KCNIP4: variants seen among roughly 807,000 people sequenced by gnomAD.
KCNIP4 encodes potassium voltage-gated channel interacting protein 4, also known as Kv channel-interacting protein 4.
In KCNIP4, 12 loss-of-function variants were observed where a neutral mutation model predicts 34.0. That is an observed-to-expected ratio of 0.35 (90% CI 0.23 to 0.57). KCNIP4 has a LOEUF of 0.57. Among genes scored for constraint, KCNIP4 ranks in the 20% least tolerant of loss-of-function variants. The probability of loss-of-function intolerance (pLI) is 0.83; values close to 1 mark genes in which losing one functional copy is unlikely to be tolerated. For missense variants in KCNIP4, 238 were observed against 311.7 expected (o/e 0.76, Z 1.78); for synonymous variants, 124 against 102.2 (o/e 1.21, Z -1.29).
At chr4:21,799,559 T>G (rs1720861908) in intron 1 of KCNIP4, among the ~76,000 whole-genome samples, 2 of 152,160 alleles carry the variant, frequency 1.3e-5, no homozygotes, top group Admixed American at 6.5e-5. Flanking sequence ...TTAATATATA[T>G]TCACTTTCAA....
chr4:21,671,467 T>C (rs1229811847), intron 1 of KCNIP4, among the ~76,000 whole-genome samples: 2 of 152,226 alleles, frequency 1.3e-5, no homozygotes, highest in Non-Finnish European at 2.9e-5. Flanking sequence ...GGAGGCCTAG[T>C]ACATTTGGAG....
chr4:21,673,933 A>G (rs942290871), intron 1 of KCNIP4, among the ~76,000 whole-genome samples: 5 of 152,226 alleles, frequency 3.3e-5, no homozygotes, highest in Non-Finnish European at 5.9e-5. Flanking sequence ...ACATGTTTCT[A>G]TATGTGATTT....
chr4:21,507,203 T>A (rs1733918375), intron 1 of KCNIP4, among the ~76,000 whole-genome samples: 1 of 151,986 alleles, frequency 6.6e-6, no homozygotes, highest in Non-Finnish European at 1.5e-5. Context: ...CTAGCCACAT[T>A]TTAGGCACTC....
intron 1 of KCNIP4, among the ~76,000 whole-genome samples, chr4:21,081,830 A>G (rs1746030437): frequency 6.6e-6 from 1 of 151,816 alleles, no homozygotes; most frequent in Non-Finnish European, 1.5e-5. Context: ...AAATTTTTAT[A>G]TACACACAGA....
chr4:21,311,404 G>A (rs756889508), intron 1 of KCNIP4, among the ~76,000 whole-genome samples: 2 of 152,114 alleles, frequency 1.3e-5, no homozygotes, highest in Non-Finnish European at 2.9e-5. Context: ...TTTTTAAATT[G>A]TTCTTCTTAA....
At chr4:21,519,681 TGTGTATATACACAC>T in intron 1 of KCNIP4, among the ~76,000 whole-genome samples, 1 of 144,922 alleles carries the variant, frequency 6.9e-6, no homozygotes, top group South Asian at 2.2e-4. Flanking sequence ...TGTGTATGTA[TGTGTATATACACAC>T]GTGTGTGTAT....
chr4:20,825,604 T>G lies in KCNIP4; in HGVS notation c.288+24939A>C, dbSNP rs146704036. On this transcript the variant is annotated intron_variant, in intron 3 of 8. Transcript: ENST00000382152. Reference sequence around the variant, plus strand: ...CGTTTAGTTTTGGACATACTGAATTTCAAAGGTCTATGCCAGAGCTAGGCA... The same window carrying G: ...CGTTTAGTTTTGGACATACTGAATTGCAAAGGTCTATGCCAGAGCTAGGCA... Among the ~76,000 whole-genome samples the G allele has an allele frequency of 2.0e-5, 3 of 152,228 alleles. No individual in the cohort carries two copies. In the East Asian group the frequency reaches 5.8e-4, roughly 30 times the overall value.
At chr4:21,115,820 A>G (rs774942487) in intron 1 of KCNIP4, among the ~76,000 whole-genome samples, 7 of 152,236 alleles carry the variant, frequency 4.6e-5, no homozygotes, top group Non-Finnish European at 8.8e-5. Flanking sequence ...AATGAAAACA[A>G]GATATATTAA....
intron 1 of KCNIP4, among the ~76,000 whole-genome samples, chr4:21,101,153 C>T (rs933865781): frequency 6.6e-5 from 10 of 152,058 alleles, no homozygotes; most frequent in African/African-American, 2.2e-4. Flanking sequence ...TGTATTATTG[C>T]GCTGTATATG....
At chr4:20,928,897 T>C (rs1472305873) in intron 1 of KCNIP4, among the ~76,000 whole-genome samples, 2 of 151,584 alleles carry the variant, frequency 1.3e-5, no homozygotes, top group African/African-American at 4.8e-5. Flanking sequence ...GAAATATGAA[T>C]TCAAAACTTT....
chr4:20,823,567 G>A (rs1032752944), intron 3 of KCNIP4, among the ~76,000 whole-genome samples: 1 of 152,068 alleles, frequency 6.6e-6, no homozygotes, highest in South Asian at 2.1e-4. Context: ...ACACAAGAAA[G>A]CTTGCTTTCT....
intron 1 of KCNIP4, among the ~76,000 whole-genome samples, chr4:21,093,094 G>T (rs4426774): frequency 2.6e-5 from 4 of 152,038 alleles, no homozygotes. Flanking sequence ...CAAATCACTT[G>T]CTTCCCACCA....
chr4:21,232,398 T>C (rs116237547), intron 1 of KCNIP4, among the ~76,000 whole-genome samples: 2 of 152,078 alleles, frequency 1.3e-5, no homozygotes, highest in African/African-American at 2.4e-5. Context: ...ACTATACAGA[T>C]AAAAAGAAGG....
chr4:21,228,686 A>G (rs1758576264), intron 1 of KCNIP4, among the ~76,000 whole-genome samples: 1 of 151,898 alleles, frequency 6.6e-6, no homozygotes, highest in Non-Finnish European at 1.5e-5. Context: ...GCCAACAACT[A>G]CCTCCATCTT....
intron 1 of KCNIP4, among the ~76,000 whole-genome samples, chr4:21,189,889 A>T (rs2109344302): frequency 6.6e-6 from 1 of 152,358 alleles, no homozygotes; most frequent in East Asian, 1.9e-4. Context: ...TCTAATGAGG[A>T]TTCAAAACAT....
chr4:21,494,954 C>A (rs1241001548), intron 1 of KCNIP4, among the ~76,000 whole-genome samples: 1 of 151,998 alleles, frequency 6.6e-6, no homozygotes, highest in Non-Finnish European at 1.5e-5. Context: ...ACATAATATA[C>A]TTCCTGGAAG....
At chr4:21,730,386 G>T (rs1409451540) in intron 1 of KCNIP4, among the ~76,000 whole-genome samples, 4 of 152,064 alleles carry the variant, frequency 2.6e-5, no homozygotes, top group Non-Finnish European at 4.4e-5. Context: ...TCCGTGTTGT[G>T]TTTCACTCTA....
intron 1 of KCNIP4, among the ~76,000 whole-genome samples, chr4:21,036,945 T>C (rs1313226555): frequency 6.6e-6 from 1 of 152,178 alleles, no homozygotes; most frequent in Non-Finnish European, 1.5e-5. Context: ...GATCTGATGA[T>C]CTTGGCCCTG....
chr4:21,259,150 A>G (rs572304833), intron 1 of KCNIP4, among the ~76,000 whole-genome samples: 7 of 152,298 alleles, frequency 4.6e-5, no homozygotes, highest in African/African-American at 7.2e-5. Context: ...TCCAAAACCC[A>G]TGGCATTCAC....
Sources: gnomAD v4.1 joint callset for allele counts (sites outside exome capture counted in the v4.1 genomes callset) on GRCh38, gnomAD v4.1.1 for gene constraint, MANE v1.5 for transcripts, NCBI Gene and HGNC (gene_info 2026-07-23, HGNC 2026-07-21) for gene names.